The following DIS3L2 variants were observed in gnomAD, a reference collection of about 807,000 sequenced individuals.
DIS3L2 encodes the protein DIS3-like exonuclease 2.
Under a neutral mutation model 97.5 loss-of-function variants are expected in DIS3L2, and 34 were observed. The observed-to-expected ratio is 0.35, with a 90% CI of 0.27 to 0.46. DIS3L2 has a LOEUF of 0.46. Ranked by LOEUF, DIS3L2 falls within the 20% of genes least tolerant of loss-of-function variation. The pLI is 1.00. For synonymous variants in DIS3L2, 435 were observed against 445.2 expected (o/e 0.98, Z 0.29); for missense variants, 1,038 against 1,146.0 (o/e 0.91, Z 1.36).
rs992955470 is a variant in DIS3L2 at position 232,276,103 on chromosome 2, C to G, written c.1659+12663C>G. ...AGTAGATGGAGATGAGGGCAACACC[C>G]AGGGAGGGAATCCCAACAGGTTTCT... On this transcript the variant is annotated intron_variant, in intron 13 of 20. Transcript: ENST00000325385. This position sits in a 1 kb window ranked among gnomAD's most constrained non-coding sequence, Gnocchi z 4.4. Among the ~76,000 whole-genome samples the G allele has an allele frequency of 1.3e-5, 2 of 152,194 alleles. No individual in the cohort carries two copies. The highest frequency in any genetic ancestry group is 4.8e-5 in the African/African-American group (2 of 41,440).
intron 1 of DIS3L2, among the ~76,000 whole-genome samples, chr2:231,969,341 C>T (rs1231023548): frequency 5.3e-5 from 7 of 131,004 alleles, no homozygotes; most frequent in Non-Finnish European, 9.4e-5. Flanking sequence ...GTTGGAGTCT[C>T]GTTCTATTGC....
intron 13 of DIS3L2, among the ~76,000 whole-genome samples, chr2:232,275,203 A>G (rs1186172102): frequency 6.6e-6 from 1 of 152,098 alleles, no homozygotes; most frequent in Non-Finnish European, 1.5e-5. Flanking sequence ...TCTCTCCCCT[A>G]GGTGCCTGGT....
chr2:232,302,894 A>G (rs1694897168), intron 14 of DIS3L2, among the ~76,000 whole-genome samples: 1 of 152,158 alleles, frequency 6.6e-6, no homozygotes, highest in South Asian at 2.1e-4. Context: ...AGGATGAAGT[A>G]GGATTAATAG....
intron 1 of DIS3L2, among the ~76,000 whole-genome samples, chr2:232,009,205 G>A (rs1694131107): frequency 6.6e-6 from 1 of 152,248 alleles, no homozygotes; most frequent in Non-Finnish European, 1.5e-5. Flanking sequence ...TCAAAATCTA[G>A]GCTCCCCTAG....
chr2:232,017,472 G>A (rs1694390500), intron 3 of DIS3L2, among the ~76,000 whole-genome samples: 1 of 152,162 alleles, frequency 6.6e-6, no homozygotes, highest in African/African-American at 2.4e-5. Flanking sequence ...AGATGAAGCT[G>A]CATTTGGATG....
At position 232,259,581 on chromosome 2, in the gene DIS3L2, C is replaced by A. The variant is rs562173086; in HGVS notation, c.1426-3626C>A. Among the ~76,000 whole-genome samples, 3 of 152,098 alleles carry A rather than the reference C, an allele frequency of 2.0e-5. No homozygotes were observed. The East Asian group carries it at 5.8e-4, about 29-fold the overall frequency. On this transcript the variant is annotated intron_variant, in intron 12 of 20. Transcript: ENST00000325385. Reference sequence around the variant, plus strand: ...TGCTACGTTTTATGCATAAATATTTCAGGGAGGAGGGCCTGGAGCATTCAC... The same window carrying A: ...TGCTACGTTTTATGCATAAATATTTAAGGGAGGAGGGCCTGGAGCATTCAC...
intron 9 of DIS3L2, 62 bp downstream of exon 9, chr2:232,163,694 C>A (rs185556197): frequency 1.3e-6 from 2 of 1,528,348 alleles, no homozygotes; most frequent in Non-Finnish European, 8.8e-7. Flanking sequence ...TTCCTAGGGG[C>A]TAGGCTTAGA....
intron 1 of DIS3L2, among the ~76,000 whole-genome samples, chr2:232,005,316 A>G (rs1440143174): frequency 6.6e-6 from 1 of 151,802 alleles, no homozygotes; most frequent in African/African-American, 2.4e-5. Flanking sequence ...GGCCTTTATA[A>G]TGTTGCGTTG....
intron 14 of DIS3L2, among the ~76,000 whole-genome samples, chr2:232,316,432 G>T (rs1283425155): frequency 6.6e-6 from 1 of 151,764 alleles, no homozygotes; most frequent in East Asian, 1.9e-4. Flanking sequence ...CTTTGTCTCT[G>T]CCTTTACAGT....
intron 1 of DIS3L2, among the ~76,000 whole-genome samples, chr2:231,987,685 A>G (rs1693456744): frequency 6.6e-6 from 1 of 152,176 alleles, no homozygotes; most frequent in Admixed American, 6.5e-5. Context: ...TGGAGTCTGT[A>G]GACTTTGGGT....
chr2:232,157,329 A>G (rs1194024174), intron 8 of DIS3L2, among the ~76,000 whole-genome samples: 2 of 152,138 alleles, frequency 1.3e-5, no homozygotes, highest in Non-Finnish European at 2.9e-5. Context: ...CAAACCATGT[A>G]CACTGCCTGT....
chr2:232,302,670 C>T (rs766365449), intron 14 of DIS3L2, among the ~76,000 whole-genome samples: 7 of 151,760 alleles, frequency 4.6e-5, no homozygotes, highest in Non-Finnish European at 8.8e-5. Context: ...AAGTGATTCT[C>T]CTGCCTCAGC....
intron 5 of DIS3L2, among the ~76,000 whole-genome samples, chr2:232,086,407 A>G (rs903818485): frequency 2.0e-5 from 3 of 147,596 alleles, no homozygotes; most frequent in Non-Finnish European, 3.0e-5. Context: ...GTGTATATAT[A>G]CATATACATG....
At chr2:232,253,151 G>A (rs1693463402) in intron 12 of DIS3L2, among the ~76,000 whole-genome samples, 1 of 152,184 alleles carries the variant, frequency 6.6e-6, no homozygotes. Flanking sequence ...AAAAAGACAA[G>A]CAATCAAGGG....
intron 6 of DIS3L2, among the ~76,000 whole-genome samples, chr2:232,121,625 G>T (rs886948672): frequency 2.6e-5 from 4 of 152,140 alleles, no homozygotes; most frequent in Admixed American, 6.5e-5. Context: ...TATAGTGGTG[G>T]CTCACACGCC....
chr2:232,067,255 T>C (rs909191054), intron 5 of DIS3L2, among the ~76,000 whole-genome samples: 1 of 152,208 alleles, frequency 6.6e-6, no homozygotes, highest in Non-Finnish European at 1.5e-5. Flanking sequence ...AGTCCCTTTT[T>C]CCCATTAGAA....
chr2:232,133,987 CAAA>C (rs60195881), intron 7 of DIS3L2, among the ~76,000 whole-genome samples: 1 of 76,322 alleles, frequency 1.3e-5, no homozygotes, highest in Non-Finnish European at 2.3e-5. Flanking sequence ...GACTCTGTCT[CAAA>C]AAAAAAAAAA....
At chr2:232,302,736 T>C (rs1243067893) in intron 14 of DIS3L2, among the ~76,000 whole-genome samples, 1 of 151,952 alleles carries the variant, frequency 6.6e-6, no homozygotes, top group Non-Finnish European at 1.5e-5. Context: ...AAATTTTGTA[T>C]TTTTAGTAGA....
At position 232,292,433 on chromosome 2, in the gene DIS3L2, G is replaced by C. The variant is rs1237713171; in HGVS notation, c.1660-7607G>C. Among the ~76,000 whole-genome samples the C allele has an allele frequency of 6.6e-6, 1 of 152,134 alleles. No homozygotes were observed. Among genetic ancestry groups the C allele is most frequent in the African/African-American group, 2.4e-5 (1 of 41,424 alleles). On this transcript the variant is annotated intron_variant, in intron 13 of 20. Transcript: ENST00000325385. This position sits in a 1 kb window ranked among gnomAD's most constrained non-coding sequence, Gnocchi z 4.4. ...GTCATCCTACCCAGAAAGCTCAGACGGGCGGAAGGAGGGCCTCTCAAAGGC... is the reference window on the plus strand; with the variant it reads ...GTCATCCTACCCAGAAAGCTCAGACCGGCGGAAGGAGGGCCTCTCAAAGGC...
Sources: gnomAD v4.1 joint callset for allele counts (sites outside exome capture counted in the v4.1 genomes callset) on GRCh38, gnomAD v4.1.1 for gene constraint, Gnocchi (gnomAD v3.1) non-coding constraint, MANE v1.5 for transcripts, NCBI Gene and HGNC (gene_info 2026-07-23, HGNC 2026-07-21) for gene names.